EFCAB6: variants seen among roughly 807,000 people sequenced by gnomAD.
The protein encoded by EFCAB6 is EF-hand calcium binding domain 6.
EFCAB6 carries 156 observed loss-of-function variants against 169.8 expected under a neutral mutation model. The ratio of observed to expected loss-of-function variants is 0.92; its 90% CI spans 0.81 to 1.05. The LOEUF is 1.05. Among genes scored for constraint, EFCAB6 ranks in the 50% least tolerant of loss-of-function variants. EFCAB6 has a pLI of 0.00. For synonymous variants in EFCAB6, 698 were observed against 676.4 expected (o/e 1.03, Z -0.50); for missense variants, 1,800 against 1,829.1 (o/e 0.98, Z 0.29).
At chr22:43,778,875 A>T (rs2061721020) in intron 3 of EFCAB6, among the ~76,000 whole-genome samples, 1 of 151,896 alleles carries the variant, frequency 6.6e-6, no homozygotes, top group African/African-American at 2.4e-5. Context: ...TTTTTAACAC[A>T]AATATCTGGC....
intron 26 of EFCAB6, among the ~76,000 whole-genome samples, chr22:43,561,039 A>C (rs916094510): frequency 3.9e-5 from 6 of 152,144 alleles, no homozygotes; most frequent in African/African-American, 1.4e-4. Flanking sequence ...TGCAAAAGGA[A>C]GTATTGCGTG....
intron 29 of EFCAB6, chr22:43,536,028 T>C (rs954398407): frequency 1.3e-5 from 2 of 152,206 alleles, no homozygotes; most frequent in African/African-American, 2.4e-5. Flanking sequence ...ATCGGCTTTT[T>C]TTTACAGTAT....
intron 28 of EFCAB6, 99 bp downstream of exon 28, chr22:43,540,028 T>G: frequency 1.5e-6 from 2 of 1,358,336 alleles, no homozygotes; most frequent in Non-Finnish European, 2.0e-6. Context: ...TCTCAGCCAC[T>G]CAACCCTGGG....
rs2063018387 is a variant in EFCAB6, at chr22:43,809,080, A to G, written c.-93T>C. The stretch of plus-strand genomic sequence containing the variant: ...TGAAGAGTGAGGACATTAAGCCCAC[A>G]CTTTTGTCATTGGGCAGTAATCTAG... On this transcript the variant is annotated 5_prime_UTR_variant, in exon 2 of 32. Coordinates refer to ENST00000262726, the MANE Select transcript of EFCAB6 (RefSeq NM_022785.4). 1 of 152,164 alleles carries G rather than the reference A, an allele frequency of 6.6e-6. No individual in the cohort carries two copies. Among genetic ancestry groups the G allele is most frequent in the South Asian group, 2.1e-4 (1 of 4,830 alleles). The allele number at this position is 152,164 out of a possible 1,614,324, so 9.4% of individuals were successfully genotyped here. A position where few individuals can be genotyped will look rare whatever the true frequency, so the allele number is the denominator to read the frequency against.
chr22:43,740,388 T>C (rs2060325234), intron 6 of EFCAB6, among the ~76,000 whole-genome samples: 1 of 152,044 alleles, frequency 6.6e-6, no homozygotes, highest in Non-Finnish European at 1.5e-5. Flanking sequence ...TGAATCTGTC[T>C]CCTCCTCACC....
chr22:43,680,139 G>T (rs1403522683), intron 12 of EFCAB6, among the ~76,000 whole-genome samples: 1 of 152,156 alleles, frequency 6.6e-6, no homozygotes, highest in Non-Finnish European at 1.5e-5. Flanking sequence ...TGTGTATGGT[G>T]TAAGAGGTAA....
In EFCAB6 at chr22:43,563,978, G is replaced by A. The variant is rs145872517; in HGVS notation, c.3421-8882C>T. On this transcript the variant is annotated intron_variant, in intron 26 of 31. Coordinates refer to ENST00000262726, the MANE Select transcript of EFCAB6 (RefSeq NM_022785.4). ...GGTCCAATCACAGGCTCCAATTGAG[G>A]TGAGGGCCCAATGCCACCATCCTCT... Among the ~76,000 whole-genome samples the A allele has an allele frequency of 2.8e-3, 424 of 152,332 alleles. 1 individual carries two copies. The highest frequency in any genetic ancestry group is 9.9e-3 in the African/African-American group (410 of 41,572).
chr22:43,728,985 C>G (rs911591018), intron 8 of EFCAB6, among the ~76,000 whole-genome samples: 17 of 152,286 alleles, frequency 1.1e-4, no homozygotes, highest in African/African-American at 3.9e-4. Context: ...TCTTTGCCCA[C>G]GCCTATGTCC....
At chr22:43,690,662 C>T (rs1034555959) in intron 10 of EFCAB6, among the ~76,000 whole-genome samples, 8 of 152,042 alleles carry the variant, frequency 5.3e-5, no homozygotes, top group Non-Finnish European at 8.8e-5. Flanking sequence ...CCTCCCTAGC[C>T]TCACCCCATG....
intron 8 of EFCAB6, among the ~76,000 whole-genome samples, chr22:43,723,834 C>T (rs1476668209): frequency 2.0e-5 from 3 of 152,232 alleles, no homozygotes; most frequent in Non-Finnish European, 4.4e-5. Flanking sequence ...GAGCCCTGCA[C>T]CGGAATGTGG....
At chr22:43,576,900 G>C (rs1178305787) in intron 25 of EFCAB6, among the ~76,000 whole-genome samples, 1 of 152,158 alleles carries the variant, frequency 6.6e-6, no homozygotes, top group Non-Finnish European at 1.5e-5. Flanking sequence ...TTAATTAGTT[G>C]TAACAGGAGG....
At chr22:43,592,914 A>G (rs535429354) in intron 23 of EFCAB6, among the ~76,000 whole-genome samples, 3 of 152,256 alleles carry the variant, frequency 2.0e-5, no homozygotes, top group African/African-American at 7.2e-5. Flanking sequence ...AGAAGAAAAA[A>G]AGATTTTTCT....
intron 24 of EFCAB6, among the ~76,000 whole-genome samples, chr22:43,583,908 T>G (rs1007251341): frequency 1.3e-5 from 2 of 152,162 alleles, no homozygotes; most frequent in East Asian, 3.9e-4. Context: ...GTGAAATGAT[T>G]TTCAGCAATT....
intron 10 of EFCAB6, among the ~76,000 whole-genome samples, chr22:43,710,047 C>T (rs763721528): frequency 1.1e-4 from 16 of 152,226 alleles, no homozygotes; most frequent in Non-Finnish European, 2.2e-4. Flanking sequence ...CAATTACCCA[C>T]AGTTTGACAG....
At chr22:43,782,852 T>C (rs2061876717) in intron 2 of EFCAB6, among the ~76,000 whole-genome samples, 1 of 152,202 alleles carries the variant, frequency 6.6e-6, no homozygotes, top group East Asian at 1.9e-4. Flanking sequence ...CTGGGGAGCA[T>C]TTATTCCCCC....
intron 10 of EFCAB6, among the ~76,000 whole-genome samples, chr22:43,693,079 C>A (rs567108341): frequency 3.3e-5 from 5 of 152,136 alleles, no homozygotes; most frequent in African/African-American, 1.2e-4. Flanking sequence ...AGATGTGGAA[C>A]AATGTCATAA....
chr22:43,637,589 G>A (rs1487524296), intron 17 of EFCAB6, among the ~76,000 whole-genome samples: 1 of 152,216 alleles, frequency 6.6e-6, no homozygotes, highest in East Asian at 1.9e-4. Context: ...GGAAGGGATG[G>A]AAGTGTTGCA....
intron 10 of EFCAB6, 49 bp from the exon 11 acceptor site, chr22:43,687,630 A>G (rs375226499): frequency 3.8e-5 from 42 of 1,103,944 alleles, no homozygotes; most frequent in Middle Eastern, 4.9e-4. Context: ...CATTTTTTCT[A>G]TAACACTGCA....
chr22:43,785,226 A>G (rs1408994668), intron 2 of EFCAB6, among the ~76,000 whole-genome samples: 1 of 152,212 alleles, frequency 6.6e-6, no homozygotes, highest in East Asian at 1.9e-4. Context: ...ATAGTAGAAT[A>G]TCATTCTTCT....
Sources: gnomAD v4.1 joint callset for allele counts (sites outside exome capture counted in the v4.1 genomes callset) on GRCh38, gnomAD v4.1.1 for gene constraint, MANE v1.5 for transcripts, NCBI Gene and HGNC (gene_info 2026-07-23, HGNC 2026-07-21) for gene names.